TENM3: variants seen among roughly 807,000 people sequenced by gnomAD.
TENM3 encodes the protein teneurin transmembrane protein 3, also known as teneurin-3.
TENM3 carries 63 observed loss-of-function variants against 255.1 expected under a neutral mutation model. The observed-to-expected ratio is 0.25, with a 90% CI of 0.20 to 0.30. The LOEUF is 0.30. Ranked by LOEUF, TENM3 falls within the 10% of genes least tolerant of loss-of-function variation. TENM3 has a pLI of 1.00. For missense variants in TENM3, 2,929 were observed against 3,461.1 expected (o/e 0.85, Z 3.86); for synonymous variants, 1,306 against 1,322.3 (o/e 0.99, Z 0.27).
the TENM3 span, among the ~76,000 whole-genome samples, chr4:181,566,866 G>C: frequency 6.6e-6 from 1 of 152,180 alleles, no homozygotes; most frequent in Non-Finnish European, 1.5e-5. Flanking sequence ...ATCACTCTAT[G>C]TCCATGAGAA....
At chr4:181,918,153 A>G in the TENM3 span, among the ~76,000 whole-genome samples, 1 of 152,240 alleles carries the variant, frequency 6.6e-6, no homozygotes, top group South Asian at 2.1e-4. Flanking sequence ...GTTATTTTAA[A>G]TAACTAGTTA....
rs1023393661 is a variant in TENM3 at position 182,166,185 on chromosome 4, C to A, written c.-76+21431C>A. 3.9e-5 allele frequency among the ~76,000 whole-genome samples: 6 copies of A among 152,334 alleles called. No homozygotes were observed. The South Asian group carries it at 1.2e-3, about 32-fold the overall frequency. On this transcript the variant is annotated intron_variant, in intron 1 of 2. Transcript: ENST00000512480. ...TTAATGTGGCTGTTTCGTAAAGATACCTTCTCAGAGACATCGTCAAAGAGC... is the reference window on the plus strand; with the variant it reads ...TTAATGTGGCTGTTTCGTAAAGATAACTTCTCAGAGACATCGTCAAAGAGC...
chr4:182,328,638 G>A (rs1763566946), intron 2 of TENM3, among the ~76,000 whole-genome samples: 1 of 152,186 alleles, frequency 6.6e-6, no homozygotes, highest in African/African-American at 2.4e-5. Context: ...AGAACGACAG[G>A]CACTGATTGA....
the TENM3 span, among the ~76,000 whole-genome samples, chr4:181,951,065 CA>C: frequency 6.6e-6 from 1 of 151,972 alleles, no homozygotes; most frequent in Non-Finnish European, 1.5e-5. Flanking sequence ...CATCAACAAA[CA>C]AACAAATAAA....
the TENM3 span, among the ~76,000 whole-genome samples, chr4:181,698,079 T>C: frequency 1.3e-5 from 2 of 152,002 alleles, no homozygotes; most frequent in African/African-American, 4.8e-5. Context: ...CTGGGTGTGG[T>C]GGCAGGCGCT....
Position 182,743,702 on chromosome 4 carries a change from ATC to A in TENM3, c.3629+287_3629+288del, listed in dbSNP as rs528271547. ...AAAAGGCTAGAGCTATGATTCTTAAATCTCTTTCGCTTTCTTTAGAATAACCC... is the reference window on the plus strand; with the variant it reads ...AAAAGGCTAGAGCTATGATTCTTAAATCTTTCGCTTTCTTTAGAATAACCC... On this transcript the variant is annotated intron_variant, in intron 19 of 27. Coordinates refer to ENST00000511685, the MANE Select transcript of TENM3 (RefSeq NM_001080477.4). Among the ~76,000 whole-genome samples the A allele has an allele frequency of 3.5e-3, 535 of 152,286 alleles. 6 individuals carry two copies. The highest frequency in any genetic ancestry group is 0.012 in the African/African-American group (518 of 41,570).
At chr4:181,725,267 A>G in the TENM3 span, among the ~76,000 whole-genome samples, 1 of 152,174 alleles carries the variant, frequency 6.6e-6, no homozygotes, top group African/African-American at 2.4e-5. Context: ...ACTGATGTTT[A>G]CTGGACATCA....
At chr4:181,501,492 C>T in the TENM3 span, among the ~76,000 whole-genome samples, 13,855 of 151,870 alleles carry the variant, frequency 0.091, 1,031 homozygotes, top group African/African-American at 0.2. Context: ...GATTCTCCTG[C>T]CTCAGCCTCC....
At chr4:182,578,587 C>T (rs1270622600) in intron 3 of TENM3, among the ~76,000 whole-genome samples, 1 of 148,740 alleles carries the variant, frequency 6.7e-6, no homozygotes, top group Non-Finnish European at 1.5e-5. Context: ...CACTTCACAG[C>T]CTGATTGCTG....
intron 1 of TENM3, among the ~76,000 whole-genome samples, chr4:182,170,195 G>T (rs758904521): frequency 2.6e-5 from 4 of 151,982 alleles, no homozygotes; most frequent in Non-Finnish European, 4.4e-5. Context: ...TTGCACAGAA[G>T]AAACTAGGGC....
chr4:181,961,848 AT>A, the TENM3 span, among the ~76,000 whole-genome samples: 1 of 152,212 alleles, frequency 6.6e-6, no homozygotes, highest in African/African-American at 2.4e-5. Context: ...TTGTTCCACC[AT>A]AGGCCTACTG....
At chr4:181,608,990 A>G in the TENM3 span, among the ~76,000 whole-genome samples, 8 of 152,174 alleles carry the variant, frequency 5.3e-5, no homozygotes, top group African/African-American at 1.9e-4. Context: ...ATTTTACCTA[A>G]TGGGAAGTTA....
the TENM3 span, among the ~76,000 whole-genome samples, chr4:181,872,711 G>A: frequency 1.3e-5 from 2 of 151,716 alleles, no homozygotes; most frequent in African/African-American, 2.4e-5. Context: ...AGTCTTGCTG[G>A]GGCCCATTAA....
intron 11 of TENM3, among the ~76,000 whole-genome samples, chr4:182,683,336 A>AT (rs1228698991): frequency 6.6e-6 from 1 of 152,218 alleles, no homozygotes; most frequent in Non-Finnish European, 1.5e-5. Context: ...ACCATAGAAC[A>AT]TCCCTAATCT....
At chr4:182,676,821 A>T (rs977839060) in intron 7 of TENM3, among the ~76,000 whole-genome samples, 2 of 152,220 alleles carry the variant, frequency 1.3e-5, no homozygotes, top group African/African-American at 4.8e-5. Context: ...GTAATATTAA[A>T]TCGTAAGAAA....
chr4:181,993,702 T>C, the TENM3 span, among the ~76,000 whole-genome samples: 1 of 152,134 alleles, frequency 6.6e-6, no homozygotes, highest in African/African-American at 2.4e-5. Flanking sequence ...TTTAAAGACA[T>C]TTTATTAAAG....
chr4:182,721,383 G>A (rs1036936146), intron 13 of TENM3, among the ~76,000 whole-genome samples: 5 of 152,114 alleles, frequency 3.3e-5, no homozygotes, highest in Admixed American at 6.6e-5. Flanking sequence ...CGATATCTTA[G>A]AGATTTTTTT....
At chr4:181,485,946 C>T in the TENM3 span, among the ~76,000 whole-genome samples, 1 of 151,382 alleles carries the variant, frequency 6.6e-6, no homozygotes, top group Non-Finnish European at 1.5e-5. Context: ...TAAGCCACTG[C>T]GTGAAAAATT....
chr4:181,454,695 G>GTTTTT, the TENM3 span, among the ~76,000 whole-genome samples: 6 of 18,720 alleles, frequency 3.2e-4, no homozygotes, highest in African/African-American at 1.5e-3. Context: ...TTTTTTTCTG[G>GTTTTT]TGTGCCTTTT....
Sources: gnomAD v4.1 joint callset for allele counts (sites outside exome capture counted in the v4.1 genomes callset) on GRCh38, gnomAD v4.1.1 for gene constraint, MANE v1.5 for transcripts, NCBI Gene and HGNC (gene_info 2026-07-23, HGNC 2026-07-21) for gene names.